ERCC6: variants seen among roughly 807,000 people sequenced by gnomAD.
ERCC6 encodes the protein DNA excision repair protein ERCC-6.
ERCC6 carries 116 observed loss-of-function variants against 158.7 expected under a neutral mutation model. That is an observed-to-expected ratio of 0.73 (90% confidence interval 0.63 to 0.85). The LOEUF is 0.85. Ranked by LOEUF, ERCC6 falls within the 40% of genes least tolerant of loss-of-function variation. The pLI is 0.00. For missense variants in ERCC6, 1,698 were observed against 1,799.4 expected, an observed-to-expected ratio of 0.94 and a Z score of 1.02; for synonymous variants, 678 against 659.3, an observed-to-expected ratio of 1.03 and a Z score of -0.43.
intron 8 of ERCC6, among the ~76,000 whole-genome samples, chr10:49,490,185 G>A (rs1400983894): frequency 3.9e-5 from 6 of 152,084 alleles, no homozygotes; most frequent in African/African-American, 1.4e-4. Flanking sequence ...GCTGCTGGGT[G>A]TACATTTGAC....
rs371906160 is a variant in ERCC6 at position 49,524,521 on chromosome 10, C to T, written c.909G>A (p.Thr303=). The T allele has an allele frequency of 5.6e-6, 9 of 1,614,158 alleles. No individual in the cohort carries two copies. The highest frequency in any genetic ancestry group is 2.2e-5 in the East Asian group (1 of 44,888). The change falls in exon 5 of 21, where the codon ACG becomes ACA. Residue 303 remains threonine (T), a synonymous_variant. Coordinates refer to ENST00000355832, the MANE Select transcript of ERCC6 (RefSeq NM_000124.4). ...RAARKAPAPV[T]PPAPVQNKNK... is the part of the protein sequence containing the mutation. ...TTTTATTTTGCACTGGGGCTGGAGGCGTGACTGGGGCTGGAGCTTTTCTAG... is the reference window on the plus strand; with the variant it reads ...TTTTATTTTGCACTGGGGCTGGAGGTGTGACTGGGGCTGGAGCTTTTCTAG...
chr10:49,439,553 G>C, the ERCC6 span, among the ~76,000 whole-genome samples: 1 of 152,192 alleles, frequency 6.6e-6, no homozygotes, highest in African/African-American at 2.4e-5. Context: ...ACATGTCCTG[G>C]AGACATTTTC....
chr10:49,530,952 T>TA, intron 2 of ERCC6, 112 bp from the exon 3 acceptor site: 2 of 1,432,076 alleles, frequency 1.4e-6, no homozygotes, highest in Non-Finnish European at 1.9e-6. Context: ...AACTAAAAGA[T>TA]AAAGGAAACT....
intron 8 of ERCC6, among the ~76,000 whole-genome samples, chr10:49,484,047 G>A (rs1370812008): frequency 6.6e-6 from 1 of 151,860 alleles, no homozygotes; most frequent in Non-Finnish European, 1.5e-5. Context: ...GGGAGGCTGA[G>A]GTGGGTGGAT....
At chr10:49,522,760 G>A (rs1476879219) in intron 5 of ERCC6, among the ~76,000 whole-genome samples, 3 of 152,028 alleles carry the variant, frequency 2.0e-5, no homozygotes, top group East Asian at 1.9e-4. Flanking sequence ...GTCTGACACC[G>A]CTCACTGTTC....
rs114385558 is a variant in ERCC6 at position 49,518,562 on chromosome 10, C to A, written c.1397+5471G>T. On this transcript the variant is annotated intron_variant, in intron 5 of 20. Transcript: ENST00000355832. ...TCATTGTTCTTGTGCACCACTCCCGCCCCTGCCCCCACCTCCACTTGATGC... is the reference window on the plus strand; with the variant it reads ...TCATTGTTCTTGTGCACCACTCCCGACCCTGCCCCCACCTCCACTTGATGC... Among the ~76,000 whole-genome samples, 296 of 152,288 alleles carry A rather than the reference C, an allele frequency of 1.9e-3. 4 individuals carry two copies. The highest frequency in any genetic ancestry group is 0.017 in the Middle Eastern group (5 of 294).
chr10:49,450,324 T>C (rs576270190), downstream of ERCC6, among the ~76,000 whole-genome samples: 3 of 122,430 alleles, frequency 2.5e-5, no homozygotes, highest in East Asian at 5.1e-4. Flanking sequence ...GATGTTTGCA[T>C]TTATTTCTGG....
At chr10:49,496,345 C>T (rs529409360) in intron 7 of ERCC6, among the ~76,000 whole-genome samples, 1 of 152,122 alleles carries the variant, frequency 6.6e-6, no homozygotes, top group South Asian at 2.1e-4. Context: ...GATCTCAATG[C>T]CTACCTAATA....
chr10:49,484,805 A>G (rs1049037560), intron 8 of ERCC6, among the ~76,000 whole-genome samples: 3 of 152,234 alleles, frequency 2.0e-5, no homozygotes, highest in African/African-American at 7.2e-5. Context: ...ACAAAACAGA[A>G]AAAGAAAATA....
At position 49,530,758 on chromosome 10, in the gene ERCC6, T is replaced by G; in HGVS notation, c.505A>C (p.Arg169=). ...TGTCGTTTTACAGAATCTAGTTTCC[T>G]GTTGATGTCTCTGCTGGTGGCAGCT... ...PQAATSRDIN[R]KLDSVKRQKY... Residue 169 remains arginine (R), a synonymous_variant, in exon 3 of 21, where the codon AGG becomes CGG. Coordinates refer to ENST00000355832, the MANE Select transcript of ERCC6 (RefSeq NM_000124.4). The G allele has an allele frequency of 6.2e-7, 1 of 1,613,880 alleles. No homozygotes were observed. The highest frequency in any genetic ancestry group is 8.5e-7 in the Non-Finnish European group (1 of 1,179,890).
At chr10:49,477,481 C>T (rs537170095) in intron 11 of ERCC6, among the ~76,000 whole-genome samples, 1 of 152,296 alleles carries the variant, frequency 6.6e-6, no homozygotes, top group South Asian at 2.1e-4. Flanking sequence ...TCCTGAAGCC[C>T]GCACCCAGAG....
chr10:49,514,832 C>T (rs1455568044), intron 5 of ERCC6, among the ~76,000 whole-genome samples: 5 of 152,204 alleles, frequency 3.3e-5, no homozygotes, highest in African/African-American at 9.6e-5. Flanking sequence ...GAATGCCTTA[C>T]AGATTAGTCT....
intron 6 of ERCC6, chr10:49,502,153 A>C (rs1345297381): frequency 6.6e-6 from 1 of 152,186 alleles, no homozygotes; most frequent in Non-Finnish European, 1.5e-5. Context: ...GGTTTTATTT[A>C]ATCTCCTCTC....
chr10:49,461,467 C>T lies in ERCC6; in HGVS notation c.3868G>A (p.Ala1290Thr). 1 of 1,614,178 alleles carries T rather than the reference C, an allele frequency of 6.2e-7. No individual in the cohort carries two copies. The highest frequency in any genetic ancestry group is 8.5e-7 in the Non-Finnish European group (1 of 1,180,020). ...VLVEAEANRV[A>T]QDALKALRLS... ...CTCAGTGCTTTCAGGGCATCCTGGG[C>T]CACTCGGTTGGCTTCTGCCTCCACC... Residue 1290 changes from alanine (A) to threonine (T), a missense_variant, in exon 19 of 21, where the codon GCC becomes ACC. By Grantham distance (58) the Ala-to-Thr change is moderately conservative. Transcript: ENST00000355832.
chr10:49,470,227 G>C lies in ERCC6; in HGVS notation c.3733C>G (p.Gln1245Glu). The change falls in exon 18 of 21, where the codon CAG (glutamine) becomes GAG (glutamate). Residue 1245 changes from glutamine to glutamate, a missense_variant. Physicochemically the swap from Gln to Glu is conservative, Grantham distance 29. Transcript: ENST00000355832. ...DSENKSEAKE[Q>E]SNDDYVLEKL... ...TCCAAAACATAATCGTCATTGCTCTGTTCCTTGGCCTCACTCTTGTTTTCA... is the reference window on the plus strand; with the variant it reads ...TCCAAAACATAATCGTCATTGCTCTCTTCCTTGGCCTCACTCTTGTTTTCA... The C allele has an allele frequency of 1.2e-6, 2 of 1,614,120 alleles. No individual in the cohort carries two copies. The highest frequency in any genetic ancestry group is 1.7e-6 in the Non-Finnish European group (2 of 1,180,030).
In ERCC6 at chr10:49,478,055, T is replaced by A. The variant is rs990523434; in HGVS notation, c.2286+299A>T. ...CACTGCTGTATCTCAGAGCCTAGGA[T>A]CACGACAGGCATATGGTTGGCACCT... On this transcript the variant is annotated intron_variant, in intron 11 of 20. Transcript: ENST00000355832. Among the ~76,000 whole-genome samples, 6 of 152,208 alleles carry A rather than the reference T, an allele frequency of 3.9e-5. No homozygotes were observed. The South Asian group carries it at 1.0e-3, about 26-fold the overall frequency.
At chr10:49,497,632 GCAGGACAATCAACTCCATTAA>G (rs1285151236) in intron 7 of ERCC6, among the ~76,000 whole-genome samples, 2 of 152,122 alleles carry the variant, frequency 1.3e-5, no homozygotes, top group African/African-American at 2.4e-5. Flanking sequence ...CTGGACCACA[GCAGGACAATCAACTCCATTAA>G]CAGTCACATC....
At chr10:49,461,257 G>T in intron 19 of ERCC6, 95 bp downstream of exon 19, 1 of 1,254,980 alleles carries the variant, frequency 8.0e-7, no homozygotes. Context: ...TTCCTGAAGA[G>T]AAATAACAGT....
chr10:49,519,253 G>A (rs542867774), intron 5 of ERCC6, among the ~76,000 whole-genome samples: 2 of 152,310 alleles, frequency 1.3e-5, no homozygotes, highest in South Asian at 4.1e-4. Flanking sequence ...GTATGTAGAG[G>A]GCCCAGCCGA....
Sources: gnomAD v4.1 joint callset for allele counts (sites outside exome capture counted in the v4.1 genomes callset) on GRCh38, gnomAD v4.1.1 for gene constraint, MANE v1.5 for transcripts, NCBI Gene and HGNC (gene_info 2026-07-23, HGNC 2026-07-21) for gene names.